Variants in P2RY12 observed in about 807,000 individuals in gnomAD.
P2RY12 encodes purinergic receptor P2Y12.
Under a neutral mutation model 4.5 loss-of-function variants are expected in P2RY12, and 3 were observed. That is an observed-to-expected ratio of 0.67 (90% CI 0.31 to 1.74). The LOEUF (loss-of-function observed/expected upper bound fraction) is 1.74, where lower values mean the gene tolerates loss of function less well. P2RY12 is among the 40% of genes most tolerant of loss of function. P2RY12 has a pLI of 0.09. For missense variants in P2RY12, 356 were observed against 407.8 expected (o/e 0.87, Z 1.09); for synonymous variants, 148 against 154.1 (o/e 0.96, Z 0.29).
intron 1 of P2RY12, chr3:151,365,749 CTTGT>C: frequency 9.4e-7 from 1 of 1,066,342 alleles, no homozygotes; most frequent in Non-Finnish European, 1.3e-6. Context: ...AAGAAAATGA[CTTGT>C]TTGATGTTAG....
intron 1 of P2RY12, among the ~76,000 whole-genome samples, chr3:151,348,795 G>T (rs146108852): frequency 0.01 from 1,594 of 152,274 alleles, 43 homozygotes; most frequent in African/African-American, 0.036. Flanking sequence ...AGAAAAACAG[G>T]CGCTTAGTTT....
chr3:151,348,340 CAAAAAA>C (rs11382065), intron 1 of P2RY12, among the ~76,000 whole-genome samples: 53 of 87,814 alleles, frequency 6.0e-4, no homozygotes, highest in African/African-American at 2.0e-3. Context: ...ACCACCAGAC[CAAAAAA>C]AAAAAAAAAA....
chr3:151,360,910 A>G (rs1434146556), intron 1 of P2RY12, among the ~76,000 whole-genome samples: 3 of 152,090 alleles, frequency 2.0e-5, no homozygotes, highest in African/African-American at 4.8e-5. Flanking sequence ...TACATTTTCT[A>G]TATGTTGTAC....
chr3:151,344,349 C>T (rs571370271), intron 1 of P2RY12, among the ~76,000 whole-genome samples: 1 of 152,030 alleles, frequency 6.6e-6, no homozygotes, highest in African/African-American at 2.4e-5. Flanking sequence ...ACAGTTTCCT[C>T]ATCCATGTGC....
At chr3:151,384,144 G>A in intron 1 of P2RY12, 1 of 1,614,038 alleles carries the variant, frequency 6.2e-7, no homozygotes, top group Non-Finnish European at 8.5e-7. Context: ...GTTAGCCTCT[G>A]ACCTATCAAA....
intron 1 of P2RY12, among the ~76,000 whole-genome samples, chr3:151,349,516 T>C (rs1752962615): frequency 6.6e-6 from 1 of 152,144 alleles, no homozygotes; most frequent in African/African-American, 2.4e-5. Context: ...GCTCCTGTCC[T>C]CAAGAGATCC....
chr3:151,350,062 G>C, intron 1 of P2RY12: 1 of 1,606,810 alleles, frequency 6.2e-7, no homozygotes, highest in Non-Finnish European at 8.5e-7. Flanking sequence ...TTTTCAGGAT[G>C]AATCTTCAAG....
At chr3:151,351,364 A>G (rs1265810451) in intron 1 of P2RY12, among the ~76,000 whole-genome samples, 1 of 152,218 alleles carries the variant, frequency 6.6e-6, no homozygotes, top group Non-Finnish European at 1.5e-5. Flanking sequence ...ACAGTGGGAA[A>G]GTTATCCTTC....
intron 1 of P2RY12, among the ~76,000 whole-genome samples, chr3:151,355,681 C>T (rs1040838651): frequency 6.6e-6 from 1 of 152,106 alleles, no homozygotes; most frequent in Non-Finnish European, 1.5e-5. Flanking sequence ...AGATTTAGGT[C>T]TGAATGACAA....
At chr3:151,369,482 A>G in intron 1 of P2RY12, 2 of 1,612,272 alleles carry the variant, frequency 1.2e-6, no homozygotes, top group South Asian at 2.2e-5. Flanking sequence ...GACACCTCTT[A>G]GCCGCTGCTC....
At chr3:151,354,120 G>A (rs1344548869) in intron 1 of P2RY12, among the ~76,000 whole-genome samples, 2 of 109,346 alleles carry the variant, frequency 1.8e-5, no homozygotes, top group Admixed American at 2.8e-4. Context: ...CAGCCTGGGC[G>A]ACAGAGCGAG....
At chr3:151,365,446 A>G (rs1755157518) in intron 1 of P2RY12, among the ~76,000 whole-genome samples, 1 of 152,228 alleles carries the variant, frequency 6.6e-6, no homozygotes, top group Admixed American at 6.5e-5. Context: ...CAACAATTAC[A>G]TGATTTATTT....
At chr3:151,340,527 G>GA (rs1459262042) in intron 2 of P2RY12, 69 bp downstream of exon 2, 1 of 152,488 alleles carries the variant, frequency 6.6e-6, no homozygotes, top group African/African-American at 2.4e-5. Context: ...GAGAAACTTG[G>GA]AAAAAATGTA....
intron 1 of P2RY12, among the ~76,000 whole-genome samples, chr3:151,370,919 C>G (rs756491241): frequency 6.6e-6 from 1 of 152,160 alleles, no homozygotes; most frequent in Admixed American, 6.5e-5. Flanking sequence ...CCTCTTCATC[C>G]ACATAATTTG....
At chr3:151,347,263 C>G (rs1577393434) in intron 1 of P2RY12, among the ~76,000 whole-genome samples, 3 of 152,240 alleles carry the variant, frequency 2.0e-5, no homozygotes, top group East Asian at 3.9e-4. Flanking sequence ...CACCTCTGCC[C>G]TATTCCTTTA....
At chr3:151,380,056 G>C (rs1711977415) in intron 1 of P2RY12, 1 of 1,076,618 alleles carries the variant, frequency 9.3e-7, no homozygotes, top group African/African-American at 1.6e-5. Context: ...AATGTTGCCA[G>C]AGGAAGTAAT....
chr3:151,360,694 GA>G, intron 1 of P2RY12: 1 of 1,237,406 alleles, frequency 8.1e-7, no homozygotes, highest in Middle Eastern at 2.0e-4. Flanking sequence ...TTTGAATAAT[GA>G]AAGCTAATTG....
At chr3:151,339,192 G>A (rs1751455544) in intron 2 of P2RY12, among the ~76,000 whole-genome samples, 1 of 151,966 alleles carries the variant, frequency 6.6e-6, no homozygotes, top group Non-Finnish European at 1.5e-5. Flanking sequence ...GAAATAATGG[G>A]GCTGTGCTTT....
Position 151,337,911 on chromosome 3 carries a change from A to G in P2RY12, c.935T>C (p.Met312Thr). The change falls in exon 3 of 3, where the codon ATG becomes ACG. Residue 312 changes from methionine (M) to threonine (T), a missense_variant. Met to Thr is a moderately conservative substitution (Grantham distance 81). Coordinates refer to ENST00000302632, the MANE Select transcript of P2RY12 (RefSeq NM_022788.5). ...CKSFRNSLIS[M>T]LKCPNSATSL... ...TGTTGCAGAATTGGGGCACTTCAGC[A>G]TACTTATCAAGGAATTTCTGAAGGA... 6.2e-7 allele frequency: 1 copy of G among 1,614,138 alleles called. No homozygotes were observed.
Sources: allele counts gnomAD v4.1 joint callset (sites outside exome capture counted in the v4.1 genomes callset), GRCh38; gene constraint gnomAD v4.1.1; transcripts MANE v1.5; gene names NCBI Gene and HGNC (gene_info 2026-07-23, HGNC 2026-07-21).